Variants in STAG1 observed in about 807,000 individuals in gnomAD.
The protein encoded by STAG1 is cohesin subunit SA-1.
A neutral mutation model predicts 170.9 loss-of-function variants in STAG1; 26 were observed. That is an observed-to-expected ratio of 0.15 (90% CI 0.11 to 0.21). STAG1 has a LOEUF of 0.21. Ranked by LOEUF, STAG1 falls within the 10% of genes least tolerant of loss-of-function variation. STAG1 has a pLI of 1.00. For missense variants in STAG1, 964 were observed against 1,509.5 expected (o/e 0.64, Z 5.99); for synonymous variants, 514 against 497.7 (o/e 1.03, Z -0.44).
rs929885369 is a variant in STAG1 at position 136,738,261 on chromosome 3, C to T, written c.-84+13934G>A. 5.3e-5 allele frequency among the ~76,000 whole-genome samples: 8 copies of T among 151,702 alleles called. No homozygotes were observed. In the East Asian group the frequency reaches 9.8e-4, roughly 19 times the overall value. On this transcript the variant is annotated intron_variant, in intron 1 of 33. Coordinates refer to ENST00000383202, the MANE Select transcript of STAG1 (RefSeq NM_005862.3). ...ATCCTAGCACTCTGGGAGGCCAAGGCGGGCAGATCACCTGAGGTCGGGAGT... is the reference window on the plus strand; with the variant it reads ...ATCCTAGCACTCTGGGAGGCCAAGGTGGGCAGATCACCTGAGGTCGGGAGT...
intron 23 of STAG1, among the ~76,000 whole-genome samples, chr3:136,373,015 T>C (rs7652176): frequency 0.16 from 24,584 of 152,094 alleles, 3,196 homozygotes; most frequent in African/African-American, 0.37. Context: ...AATTATTGCC[T>C]CAATTTCAGA....
chr3:136,657,562 C>T (rs1292876272), intron 1 of STAG1, among the ~76,000 whole-genome samples: 3 of 152,188 alleles, frequency 2.0e-5, no homozygotes, highest in Non-Finnish European at 4.4e-5. Flanking sequence ...GGCCTCACGC[C>T]TGTAATCCAA....
At chr3:136,446,510 C>T (rs945853191) in intron 14 of STAG1, among the ~76,000 whole-genome samples, 2 of 151,792 alleles carry the variant, frequency 1.3e-5, no homozygotes, top group Non-Finnish European at 2.9e-5. Context: ...GCAACCTCCG[C>T]CTCCCAGGTT....
intron 5 of STAG1, among the ~76,000 whole-genome samples, chr3:136,545,671 T>C (rs1420715479): frequency 6.6e-6 from 1 of 151,986 alleles, no homozygotes; most frequent in Non-Finnish European, 1.5e-5. Context: ...ATCGTAAATA[T>C]CTTGGGATGC....
intron 21 of STAG1, among the ~76,000 whole-genome samples, chr3:136,406,283 G>C (rs1343754041): frequency 2.6e-5 from 4 of 152,164 alleles, no homozygotes; most frequent in Admixed American, 1.3e-4. Context: ...ATTATGCTCA[G>C]TGAAAGACAT....
intron 5 of STAG1, among the ~76,000 whole-genome samples, chr3:136,559,192 A>G (rs892839898): frequency 1.1e-4 from 17 of 152,028 alleles, no homozygotes; most frequent in African/African-American, 4.1e-4. Context: ...AGGTGAGGAG[A>G]TAAGAATTCA....
chr3:136,371,201 T>G (rs1097945), intron 23 of STAG1, among the ~76,000 whole-genome samples: 3 of 152,024 alleles, frequency 2.0e-5, no homozygotes, highest in Non-Finnish European at 4.4e-5. Flanking sequence ...CTTTTTGATG[T>G]GGTTGTTTTT....
intron 1 of STAG1, among the ~76,000 whole-genome samples, chr3:136,713,728 A>G (rs564929064): frequency 3.1e-4 from 47 of 152,188 alleles, no homozygotes; most frequent in African/African-American, 1.0e-3. Flanking sequence ...TCTCTACAAA[A>G]AATTTATAAC....
intron 9 of STAG1, among the ~76,000 whole-genome samples, chr3:136,481,894 G>A (rs1299374485): frequency 2.2e-5 from 1 of 45,546 alleles, no homozygotes; most frequent in African/African-American, 7.0e-5. Context: ...TTCTCTGATG[G>A]TAGTTTGTAT....
intron 28 of STAG1, among the ~76,000 whole-genome samples, chr3:136,354,505 T>C (rs1302715277): frequency 2.6e-5 from 4 of 151,944 alleles, no homozygotes; most frequent in Non-Finnish European, 5.9e-5. Flanking sequence ...TTTCACCATG[T>C]TGGCCAGGCT....
intron 6 of STAG1, among the ~76,000 whole-genome samples, chr3:136,529,122 A>G (rs887139035): frequency 9.9e-5 from 15 of 152,176 alleles, no homozygotes; most frequent in Admixed American, 2.0e-4. Flanking sequence ...AGCCAGACAA[A>G]AATAAAGAAA....
chr3:136,460,025 A>G (rs2089230283), intron 13 of STAG1, among the ~76,000 whole-genome samples: 1 of 152,188 alleles, frequency 6.6e-6, no homozygotes, highest in South Asian at 2.1e-4. Context: ...AAGGAATAAT[A>G]AAGATCAGAG....
At chr3:136,623,985 T>G (rs1490190129) in intron 2 of STAG1, among the ~76,000 whole-genome samples, 1 of 152,042 alleles carries the variant, frequency 6.6e-6, no homozygotes, top group East Asian at 1.9e-4. Flanking sequence ...ACATAAAGGA[T>G]ACTTAGCATA....
At chr3:136,433,093 G>A (rs1435639641) in intron 16 of STAG1, among the ~76,000 whole-genome samples, 1 of 129,366 alleles carries the variant, frequency 7.7e-6, no homozygotes, top group African/African-American at 2.8e-5. Context: ...CAAACCAACA[G>A]AGCCAGGAGT....
At chr3:136,702,472 C>T (rs1358550127) in intron 1 of STAG1, among the ~76,000 whole-genome samples, 2 of 152,020 alleles carry the variant, frequency 1.3e-5, no homozygotes, top group South Asian at 2.1e-4. Context: ...CCGCAACCTC[C>T]GCCTCCCGGG....
At chr3:136,359,018 TCTAAA>T (rs1345449246) in intron 27 of STAG1, 125 bp downstream of exon 27, 44 of 766,684 alleles carry the variant, frequency 5.7e-5, no homozygotes, top group African/African-American at 3.0e-4. Context: ...GTTTAGAATC[TCTAAA>T]CTAATCTCCA....
chr3:136,394,524 C>T (rs1298655744), intron 22 of STAG1, among the ~76,000 whole-genome samples: 2 of 152,094 alleles, frequency 1.3e-5, no homozygotes, highest in African/African-American at 4.8e-5. Context: ...ACCTGTAATC[C>T]CAGCACTTTG....
chr3:136,555,702 T>A (rs56003879), intron 5 of STAG1, among the ~76,000 whole-genome samples: 68 of 150,108 alleles, frequency 4.5e-4, no homozygotes, highest in Non-Finnish European at 8.6e-4. Context: ...AATCAATCAA[T>A]CAGTCAATCA....
intron 1 of STAG1, among the ~76,000 whole-genome samples, chr3:136,639,738 G>A (rs563083413): frequency 1.3e-5 from 2 of 152,026 alleles, no homozygotes; most frequent in Admixed American, 6.6e-5. Context: ...CATTTCAAGC[G>A]TTCATATAAA....
Sources: allele counts gnomAD v4.1 joint callset (sites outside exome capture counted in the v4.1 genomes callset), GRCh38; gene constraint gnomAD v4.1.1; transcripts MANE v1.5; gene names NCBI Gene and HGNC (gene_info 2026-07-23, HGNC 2026-07-21).